MUC12: variants seen among roughly 807,000 people sequenced by gnomAD.
MUC12 encodes mucin 12, cell surface associated.
MUC12 carries 172 observed loss-of-function variants against 230.8 expected under a neutral mutation model. The observed-to-expected ratio is 0.75, with a 90% CI of 0.66 to 0.85. The LOEUF is 0.85. MUC12 is among the 40% of genes least tolerant of loss of function. The pLI is 0.00. For synonymous variants in MUC12, 1,259 were observed against 2,401.9 expected, an observed-to-expected ratio of 0.52 and a Z score of 13.91; for missense variants, 3,506 against 5,920.6, an observed-to-expected ratio of 0.59 and a Z score of 13.38.
At position 101,009,287 on chromosome 7, in the gene MUC12, G is replaced by A. The variant is rs1235588235; in HGVS notation, c.15251+128G>A. The A allele has an allele frequency of 2.0e-5, 18 of 880,312 alleles. 1 individual carries two copies. In the South Asian group the frequency reaches 2.5e-4, roughly 12 times the overall value. The allele number at this position is 880,312 out of a possible 1,614,324, so 54.5% of individuals were successfully genotyped here. A position where few individuals can be genotyped will look rare whatever the true frequency, so the allele number is the denominator to read the frequency against. On this transcript the variant is annotated intron_variant, in intron 5 of 11. Coordinates refer to ENST00000536621, the MANE Select transcript of MUC12 (RefSeq NM_001164462.2). ...GGGTCAGAGAGTCCTGCAGCCGCTAGGGAACACTGGGGGCTGTGACACCTT... is the reference window on the plus strand; with the variant it reads ...GGGTCAGAGAGTCCTGCAGCCGCTAAGGAACACTGGGGGCTGTGACACCTT...
At chr7:101,017,462 G>T in intron 10 of MUC12, 113 bp from the exon 11 acceptor site, 1 of 678,686 alleles carries the variant, frequency 1.5e-6, no homozygotes, top group Non-Finnish European at 2.5e-6. Context: ...CAGTGGGAAA[G>T]GGCGTAGGGC....
intron 1 of MUC12, among the ~76,000 whole-genome samples, chr7:100,985,349 G>C (rs1793172317): frequency 1.3e-5 from 2 of 152,208 alleles, no homozygotes; most frequent in African/African-American, 4.8e-5. Context: ...GATCCATCAA[G>C]TGCGGGGTCT....
chr7:100,990,829 G>T lies in MUC12; in HGVS notation c.266G>T (p.Gly89Val), dbSNP rs776213722. The change falls in exon 2 of 12, where the codon GGT becomes GTT. Residue 89 changes from glycine to valine, a missense_variant. Physicochemically the swap from Gly to Val is moderately radical, Grantham distance 109 (BLOSUM62 -3). Transcript: ENST00000536621. ...EESTVSHSGP[G>V]ATGTTLFPSH... is the part of the protein sequence containing the mutation. ...TCAACAGTATCCCACAGCGGCCCAG[G>T]TGCAACTGGAACAACACTCTTCCCT... 2 of 1,537,508 alleles carry T rather than the reference G, an allele frequency of 1.3e-6. No individual in the cohort carries two copies. The highest frequency in any genetic ancestry group is 2.4e-5 in the East Asian group (1 of 40,926).
intron 2 of MUC12, among the ~76,000 whole-genome samples, 154 bp from the exon 3 acceptor site, chr7:101,006,317 A>G (rs1024984297): frequency 6.6e-6 from 1 of 151,892 alleles, no homozygotes; most frequent in Non-Finnish European, 1.5e-5. Flanking sequence ...TCCCGGGGGC[A>G]GAGGTGGCAG....
Position 101,004,941 on chromosome 7 carries a change from A to T in MUC12, c.14378A>T (p.Glu4793Val). ...ACCACCACCTCAGGCCTCAGTCAGG[A>T]ATCAACAACTTTCCACAGTAAGCCA... The part of the protein sequence containing the change: ...ASTTTSGLSQ[E>V]STTFHSKPGS... Residue 4793 changes from glutamate to valine, a missense_variant, in exon 2 of 12, where the codon GAA (glutamate) becomes GTA (valine). Transcript: ENST00000536621. The T allele has an allele frequency of 6.5e-7, 1 of 1,537,854 alleles. No individual in the cohort carries two copies. Among genetic ancestry groups the T allele is most frequent in the East Asian group, 2.4e-5 (1 of 40,920 alleles).
intron 1 of MUC12, chr7:100,973,021 G>A (rs1792941069): frequency 1.4e-6 from 1 of 702,986 alleles, no homozygotes; most frequent in African/African-American, 1.7e-5. Context: ...CGTGATGTTT[G>A]CTGGGGAGAG....
At position 100,991,528 on chromosome 7, in the gene MUC12, C is replaced by A; in HGVS notation, c.965C>A (p.Thr322Lys). 6.5e-7 allele frequency: 1 copy of A among 1,537,278 alleles called. No individual in the cohort carries two copies. Among genetic ancestry groups the A allele is most frequent in the South Asian group, 1.2e-5 (1 of 84,038 alleles). Residue 322 changes from threonine (T) to lysine (K), a missense_variant, in exon 2 of 12, where the codon ACA becomes AAA. Thr to Lys is a moderately conservative substitution (Grantham distance 78). Transcript: ENST00000536621. ...TPTTHFSASS[T>K]TLGHSEESTP... Reference sequence around the variant, plus strand: ...ACAACCCACTTTTCTGCCAGCTCCACAACCTTGGGCCATAGTGAGGAATCG... The same window carrying A: ...ACAACCCACTTTTCTGCCAGCTCCAAAACCTTGGGCCATAGTGAGGAATCG...
At position 101,004,556 on chromosome 7, in the gene MUC12, A is replaced by G. The variant is rs1243976523; in HGVS notation, c.13993A>G (p.Ile4665Val). 3.3e-6 allele frequency: 5 copies of G among 1,536,776 alleles called. No homozygotes were observed. Among genetic ancestry groups the G allele is most frequent in the East Asian group, 2.4e-5 (1 of 40,842 alleles). The stretch of plus-strand genomic sequence containing the variant: ...CAGCTACCACAGCAGCCCGGGCTCA[A>G]TTGCAACAACACACTTTCCTGAGAG... Reference protein sequence around the residue: ...PTSYHSSPGSIATTHFPESST... With the variant: ...PTSYHSSPGSVATTHFPESST... The change falls in exon 2 of 12, where the codon ATT becomes GTT. Residue 4665 changes from isoleucine (I) to valine (V), a missense_variant. By Grantham distance (29) the Ile-to-Val change is conservative. Transcript: ENST00000536621.
Position 100,994,447 on chromosome 7 carries a change from A to G in MUC12, c.3884A>G (p.Glu1295Gly). The change falls in exon 2 of 12, where the codon GAG becomes GGG. Residue 1295 changes from glutamate (E) to glycine (G), a missense_variant. Coordinates refer to ENST00000536621, the MANE Select transcript of MUC12 (RefSeq NM_001164462.2). The part of the protein sequence containing the change: ...PGSPTTPSLS[E>G]KSTTFYTSPR... ...AGTCCCACAACACCAAGCCTCAGTG[A>G]GAAATCAACCACCTTCTACACTAGC... 5 of 987,800 alleles carry G rather than the reference A, an allele frequency of 5.1e-6. 2 individuals are homozygous for G. The highest frequency in any genetic ancestry group is 7.1e-6 in the Non-Finnish European group (5 of 704,308). 61.2% of individuals were successfully genotyped at this position (987,800 alleles called of 1,614,324 possible). A position where few individuals can be genotyped will look rare whatever the true frequency, so the allele number is the denominator to read the frequency against.
Position 100,993,580 on chromosome 7 carries a change from C to A in MUC12, c.3017C>A (p.Ser1006Ter). ...CCAGCCTCAACTCACACAACGCCTT[C>A]ACCTCCTAGCACCGCAACAGCCCCT... ...THPASTHTTP[S>*]PPSTATAPVE... Residue 1006 changes from serine to a stop codon, truncating the protein, a stop_gained, in exon 2 of 12, where the codon TCA (serine) becomes TAA (stop). Coordinates refer to ENST00000536621, the MANE Select transcript of MUC12 (RefSeq NM_001164462.2). LOFTEE classifies it high-confidence loss of function. The A allele has an allele frequency of 1.1e-6, 1 of 906,326 alleles. No homozygotes were observed. 56.1% of individuals were successfully genotyped at this position (906,326 alleles called of 1,614,324 possible). A position where few individuals can be genotyped will look rare whatever the true frequency, so the allele number is the denominator to read the frequency against.
chr7:101,008,818 G>T, intron 4 of MUC12, 57 bp downstream of exon 4: 2 of 1,500,592 alleles, frequency 1.3e-6, no homozygotes, highest in African/African-American at 1.4e-5. Context: ...AGAGGAAATT[G>T]GGGGGTGCAC....
Position 100,991,342 on chromosome 7 carries a change from A to C in MUC12, c.779A>C (p.His260Pro). 1 of 1,537,756 alleles carries C rather than the reference A, an allele frequency of 6.5e-7. No individual in the cohort carries two copies. Among genetic ancestry groups the C allele is most frequent in the Non-Finnish European group, 8.7e-7 (1 of 1,147,026 alleles). Residue 260 changes from histidine (H) to proline (P), a missense_variant, in exon 2 of 12, where the codon CAC becomes CCC. By Grantham distance (77) the His-to-Pro change is moderately conservative (BLOSUM62 -2). Transcript: ENST00000536621. ...GTCCACAGCAGCACTGGATCGCCAC[A>C]CACAACACTGTCCCCTTCCAGCTCT... ...TPVHSSTGSP[H>P]TTLSPSSSTT...
chr7:101,018,457 A>AGGACTCCCTCCCTCCCCCTG (rs879050285), intron 11 of MUC12, 138 bp from the exon 12 acceptor site: 63 of 101,396 alleles, frequency 6.2e-4, no homozygotes, highest in South Asian at 3.3e-3. Context: ...TCCTCTCCCT[A>AGGACTCCCTCCCTCCCCCTG]GGACTCCCTC....
chr7:101,018,561 C>A, intron 11 of MUC12, 34 bp from the exon 12 acceptor site: 1 of 1,535,786 alleles, frequency 6.5e-7, no homozygotes, highest in Non-Finnish European at 8.7e-7. Flanking sequence ...CCGGGTCTGC[C>A]CCTTGGCCTC....
At chr7:100,974,351 T>A (rs1007394623) in intron 1 of MUC12, among the ~76,000 whole-genome samples, 6 of 152,246 alleles carry the variant, frequency 3.9e-5, no homozygotes, top group African/African-American at 1.4e-4. Context: ...GGACTACAGC[T>A]CTTGGATACT....
intron 10 of MUC12, 135 bp downstream of exon 10, chr7:101,015,826 C>T: frequency 2.8e-6 from 2 of 718,740 alleles, no homozygotes; most frequent in South Asian, 3.5e-5. Flanking sequence ...CGTTCCCTAC[C>T]TGCCGCTGCA....
Position 101,004,771 on chromosome 7 carries a change from A to C in MUC12, c.14208A>C (p.Ala4736=). ...CTGCCACAACACCAGGCCTCAGTGC[A>C]AAATCTACCATCCTTTACAGTAGCT... is the stretch of plus-strand genomic sequence containing the variant. ...ASTATTPGLS[A]KSTILYSSSR... The change falls in exon 2 of 12, where the codon GCA becomes GCC. Residue 4736 remains alanine, a synonymous_variant. Coordinates refer to ENST00000536621, the MANE Select transcript of MUC12 (RefSeq NM_001164462.2). The C allele has an allele frequency of 6.5e-7, 1 of 1,537,294 alleles. No individual in the cohort carries two copies. The highest frequency in any genetic ancestry group is 2.4e-5 in the East Asian group (1 of 40,920).
intron 10 of MUC12, chr7:101,016,851 G>C (rs1793931712): frequency 6.5e-6 from 1 of 152,682 alleles, no homozygotes; most frequent in Non-Finnish European, 1.5e-5. Flanking sequence ...CACTGAGTTG[G>C]GGGGCTGGTG....
In MUC12 at chr7:101,008,697, C is replaced by T; in HGVS notation, c.15122C>T (p.Thr5041Ile). The change falls in exon 4 of 12, where the codon ACA becomes ATA. Residue 5041 changes from threonine (T) to isoleucine (I), a missense_variant. Thr to Ile is a moderately conservative substitution (Grantham distance 89). Coordinates refer to ENST00000536621, the MANE Select transcript of MUC12 (RefSeq NM_001164462.2). ...MTVKVTYRNF[T>I]EKMNDASSQE... ...GTGAAAGTGACTTACAGAAATTTCA[C>T]AGAAAAGATGAATGACGCATCCTCC... is the stretch of plus-strand genomic sequence containing the variant. 6.5e-7 allele frequency: 1 copy of T among 1,537,294 alleles called. No homozygotes were observed. The highest frequency in any genetic ancestry group is 8.7e-7 in the Non-Finnish European group (1 of 1,146,928).
Sources: gnomAD v4.1 joint callset for allele counts (sites outside exome capture counted in the v4.1 genomes callset) on GRCh38, gnomAD v4.1.1 for gene constraint, MANE v1.5 for transcripts, NCBI Gene and HGNC (gene_info 2026-07-23, HGNC 2026-07-21) for gene names.